Variants in CACNA1D observed in about 807,000 individuals in gnomAD.
CACNA1D encodes the protein voltage-dependent L-type calcium channel subunit alpha-1D.
In CACNA1D, 55 loss-of-function variants were observed where a neutral mutation model predicts 257.1. The observed-to-expected ratio is 0.21, with a 90% CI of 0.17 to 0.27. The LOEUF (loss-of-function observed/expected upper bound fraction) is 0.27. Among genes scored for constraint, CACNA1D ranks in the 10% least tolerant of loss-of-function variants. The pLI, the probability that CACNA1D is intolerant of heterozygous loss-of-function variation, is 1.00. For missense variants in CACNA1D, 1,876 were observed against 2,784.0 expected (o/e 0.67, Z 7.34); for synonymous variants, 980 against 1,014.9 (o/e 0.97, Z 0.65).
intron 8 of CACNA1D, among the ~76,000 whole-genome samples, chr3:53,689,231 T>G (rs528964060): frequency 6.6e-6 from 1 of 152,158 alleles, no homozygotes; most frequent in South Asian, 2.1e-4. Context: ...ACCTGGTGCC[T>G]CCTGCCTGTC....
At position 53,776,047 on chromosome 3, in the gene CACNA1D, T is replaced by C; in HGVS notation, c.4362+2T>C. The C allele has an allele frequency of 6.2e-7, 1 of 1,613,444 alleles. No homozygotes were observed. Among genetic ancestry groups the C allele is most frequent in the East Asian group, 2.2e-5 (1 of 44,904 alleles). On this transcript the variant is annotated splice_donor_variant, in intron 35 of 47. Coordinates refer to ENST00000350061, the MANE Select transcript of CACNA1D (RefSeq NM_001128840.3). LOFTEE classifies it high-confidence loss of function. ...TTTTACATGCTCTGTGCATTTCTGG[T>C]AAGTGAGCAACACAGCTCCCCCTCT...
At chr3:53,691,716 A>G (rs1382234120) in intron 8 of CACNA1D, among the ~76,000 whole-genome samples, 3 of 100,594 alleles carry the variant, frequency 3.0e-5, no homozygotes, top group Non-Finnish European at 3.9e-5. Context: ...TATAATATAT[A>G]TATTACATAT....
intron 3 of CACNA1D, among the ~76,000 whole-genome samples, chr3:53,573,057 C>T (rs1433957010): frequency 6.6e-6 from 1 of 152,188 alleles, no homozygotes; most frequent in Non-Finnish European, 1.5e-5. Flanking sequence ...ACATAGTTTT[C>T]CACCTGAAAA....
Position 53,744,789 on chromosome 3 carries a change from C to A in CACNA1D, c.2968C>A (p.Arg990Ser). The A allele has an allele frequency of 6.2e-7, 1 of 1,609,118 alleles. No homozygotes were observed. The highest frequency in any genetic ancestry group is 8.5e-7 in the Non-Finnish European group (1 of 1,175,420). Residue 990 changes from arginine (R) to serine (S), a missense_variant, in exon 23 of 48, where the codon CGT (arginine) becomes AGT (serine). Transcript: ENST00000350061. ...VKILRVLRVL[R>S]PLRAINRAKG... is the part of the protein sequence containing the mutation. Reference sequence around the variant, plus strand: ...GATTCTGAGGGTCTTAAGGGTCCTGCGTCCCCTCAGGGCCATCAACAGAGC... The same window carrying A: ...GATTCTGAGGGTCTTAAGGGTCCTGAGTCCCCTCAGGGCCATCAACAGAGC...
intron 40 of CACNA1D, chr3:53,796,037 A>G (rs1489624858): frequency 9.8e-6 from 2 of 204,038 alleles, no homozygotes; most frequent in Non-Finnish European, 2.1e-5. Context: ...GAGAGTGGTG[A>G]CAAAATAAGG....
Position 53,800,223 on chromosome 3 carries a change from C to G in CACNA1D, c.4924-26C>G. On this transcript the variant is annotated intron_variant, in intron 40 of 47. Coordinates refer to ENST00000350061, the MANE Select transcript of CACNA1D (RefSeq NM_001128840.3). This position sits in a 1 kb window ranked among gnomAD's most constrained non-coding sequence, Gnocchi z 4.3. Reference sequence around the variant, plus strand: ...CCCCAGGGCCCATGTGTGGTCTAACCTGTTCTGCCATTTTCATTGATCTAG... The same window carrying G: ...CCCCAGGGCCCATGTGTGGTCTAACGTGTTCTGCCATTTTCATTGATCTAG... 1 of 1,525,362 alleles carries G rather than the reference C, an allele frequency of 6.6e-7. No homozygotes were observed. Among genetic ancestry groups the G allele is most frequent in the Non-Finnish European group, 9.1e-7 (1 of 1,098,836 alleles). The allele number at this position is 1,525,362 out of a possible 1,614,324, so 94.5% of individuals were successfully genotyped here. A position where few individuals can be genotyped will look rare whatever the true frequency, so the allele number is the denominator to read the frequency against.
chr3:53,647,143 CA>C (rs2094030709), intron 3 of CACNA1D, among the ~76,000 whole-genome samples: 1 of 152,184 alleles, frequency 6.6e-6, no homozygotes, highest in South Asian at 2.1e-4. Context: ...AGTGGGGGGA[CA>C]TCCGTCCATA....
At position 53,800,965 on chromosome 3, in the gene CACNA1D, ATTTG is replaced by A. The variant is rs986450239; in HGVS notation, c.5041-89_5041-86del. 79 of 1,265,828 alleles carry A rather than the reference ATTTG, an allele frequency of 6.2e-5. No individual in the cohort carries two copies. Among genetic ancestry groups the A allele is most frequent in the Non-Finnish European group, 9.0e-5 (78 of 867,842 alleles). 78.4% of individuals were successfully genotyped at this position (1,265,828 alleles called of 1,614,324 possible). ...AGGGATCCTACGGAGCTTGCCTAGA[ATTTG>A]TTTTTCATGTAGAAAAAGTTACCTA... On this transcript the variant is annotated intron_variant, in intron 41 of 47. Transcript: ENST00000350061. The surrounding 1 kb of genome is among the most constrained non-coding windows in gnomAD (Gnocchi z 4.3).
At chr3:53,636,531 C>T (rs1200390716) in intron 3 of CACNA1D, among the ~76,000 whole-genome samples, 1 of 152,194 alleles carries the variant, frequency 6.6e-6, no homozygotes, top group East Asian at 1.9e-4. Context: ...GTCTCAAACT[C>T]CTGACCTCAA....
intron 29 of CACNA1D, among the ~76,000 whole-genome samples, chr3:53,761,517 C>A (rs13319223): frequency 2.6e-5 from 4 of 152,210 alleles, no homozygotes; most frequent in Admixed American, 6.5e-5. Flanking sequence ...GCTGGACTTG[C>A]GAGGACTGGA....
chr3:53,618,945 C>T (rs1343378620), intron 3 of CACNA1D, among the ~76,000 whole-genome samples: 2 of 152,146 alleles, frequency 1.3e-5, no homozygotes, highest in African/African-American at 4.8e-5. Context: ...ACTCTTAGGT[C>T]CTAGGGTTTT....
intron 3 of CACNA1D, among the ~76,000 whole-genome samples, chr3:53,644,703 C>A (rs1363963687): frequency 6.6e-6 from 1 of 152,206 alleles, no homozygotes; most frequent in Non-Finnish European, 1.5e-5. Context: ...ACCACATTTT[C>A]TTTACCCATT....
intron 40 of CACNA1D, chr3:53,791,232 C>T (rs1037904783): frequency 2.9e-5 from 16 of 556,886 alleles, no homozygotes; most frequent in African/African-American, 3.8e-5. Context: ...CTGCCTGTCG[C>T]GGACGTTGCT....
At chr3:53,786,530 T>C in intron 39 of CACNA1D, 1 of 382,950 alleles carries the variant, frequency 2.6e-6, no homozygotes, top group African/African-American at 2.0e-5. Context: ...CAGCATTTCA[T>C]AGTGTTACTA....
At chr3:53,574,839 C>T (rs1008555615) in intron 3 of CACNA1D, among the ~76,000 whole-genome samples, 2 of 152,186 alleles carry the variant, frequency 1.3e-5, no homozygotes, top group African/African-American at 2.4e-5. Flanking sequence ...CCAAAGTAAG[C>T]CTTGAGATGA....
At chr3:53,549,754 C>T (rs939060677) in intron 3 of CACNA1D, among the ~76,000 whole-genome samples, 1 of 152,046 alleles carries the variant, frequency 6.6e-6, no homozygotes, top group East Asian at 1.9e-4. Context: ...TTCATATTCA[C>T]CATTGGCTTT....
rs550465783 is a variant in CACNA1D at position 53,762,121 on chromosome 3, C to G, written c.3870+40C>G. On this transcript the variant is annotated intron_variant, in intron 30 of 47. Transcript: ENST00000350061. ...GGCGTGGCCGCCACCTGTGTCCTCTCTCCTCTGTCTGTGCATACTCCGCTC... is the reference window on the plus strand; with the variant it reads ...GGCGTGGCCGCCACCTGTGTCCTCTGTCCTCTGTCTGTGCATACTCCGCTC... 6.3e-6 allele frequency: 8 copies of G among 1,265,662 alleles called. No homozygotes were observed. In the Admixed American group the frequency reaches 6.7e-5, roughly 11 times the overall value. The allele number at this position is 1,265,662 out of a possible 1,614,324, so 78.4% of individuals were successfully genotyped here. A position where few individuals can be genotyped will look rare whatever the true frequency, so the allele number is the denominator to read the frequency against.
intron 3 of CACNA1D, among the ~76,000 whole-genome samples, chr3:53,619,325 T>A (rs900625691): frequency 6.6e-6 from 1 of 152,198 alleles, no homozygotes; most frequent in African/African-American, 2.4e-5. Context: ...CATGGAAAAA[T>A]CCCCATTTTC....
intron 29 of CACNA1D, among the ~76,000 whole-genome samples, chr3:53,755,975 G>T (rs1406613912): frequency 6.6e-6 from 1 of 152,150 alleles, no homozygotes; most frequent in South Asian, 2.1e-4. Context: ...GGCCACATGG[G>T]ACCTCAGCCT....
Sources: gnomAD v4.1 joint callset for allele counts (sites outside exome capture counted in the v4.1 genomes callset) on GRCh38, gnomAD v4.1.1 for gene constraint, Gnocchi (gnomAD v3.1) non-coding constraint, MANE v1.5 for transcripts, NCBI Gene and HGNC (gene_info 2026-07-23, HGNC 2026-07-21) for gene names.